PTPRM: variants seen among roughly 807,000 people sequenced by gnomAD.
The protein encoded by PTPRM is receptor-type tyrosine-protein phosphatase mu.
PTPRM carries 47 observed loss-of-function variants against 186.7 expected under a neutral mutation model. The ratio of observed to expected loss-of-function variants is 0.25; its 90% CI spans 0.20 to 0.32. The LOEUF (loss-of-function observed/expected upper bound fraction) is 0.32, where lower values mean the gene tolerates loss of function less well. Among genes scored for constraint, PTPRM ranks in the 10% least tolerant of loss-of-function variants. PTPRM has a pLI of 1.00. For missense variants in PTPRM, 1,494 were observed against 1,865.0 expected (o/e 0.80, Z 3.66); for synonymous variants, 668 against 674.9 (o/e 0.99, Z 0.16).
At chr18:8,198,162 G>T (rs560711942) in intron 14 of PTPRM, among the ~76,000 whole-genome samples, 48 of 152,230 alleles carry the variant, frequency 3.2e-4, no homozygotes, top group Non-Finnish European at 5.6e-4. Flanking sequence ...TTTCTTTGTT[G>T]TTAGACAGGA....
Position 7,567,671 on chromosome 18 carries a change from G to T in PTPRM, c.-148G>T. ...TGGAGCCGCTGGAGTTCGGACTTCT[G>T]CAACTGTTGGCACTTTGGGGGCTTG... On this transcript the variant is annotated 5_prime_UTR_variant, in exon 1 of 33. Transcript: ENST00000580170. This position sits in a 1 kb window ranked among gnomAD's most constrained non-coding sequence, Gnocchi z 4.3. The T allele has an allele frequency of 1.5e-6, 1 of 650,420 alleles. No individual in the cohort carries two copies. The highest frequency in any genetic ancestry group is 2.5e-5 in the South Asian group (1 of 40,192). 40.3% of individuals were successfully genotyped at this position (650,420 alleles called of 1,614,324 possible).
intron 7 of PTPRM, among the ~76,000 whole-genome samples, chr18:7,958,069 T>A (rs2053429303): frequency 6.6e-6 from 1 of 152,172 alleles, no homozygotes; most frequent in Non-Finnish European, 1.5e-5. Flanking sequence ...GAGTACTGGC[T>A]TGGAATTAGA....
chr18:7,613,463 A>T (rs1468026213), intron 1 of PTPRM, among the ~76,000 whole-genome samples: 2 of 152,310 alleles, frequency 1.3e-5, no homozygotes, highest in East Asian at 3.9e-4. Context: ...TCATGAGGTC[A>T]GGAGATCAAG....
intron 14 of PTPRM, among the ~76,000 whole-genome samples, chr18:8,192,922 G>A (rs905523419): frequency 4.6e-5 from 7 of 152,136 alleles, no homozygotes; most frequent in African/African-American, 1.7e-4. Context: ...ATTTAGCAAA[G>A]CCAGTAGTGA....
At chr18:7,632,301 G>T (rs1346298062) in intron 1 of PTPRM, among the ~76,000 whole-genome samples, 1 of 152,200 alleles carries the variant, frequency 6.6e-6, no homozygotes, top group Non-Finnish European at 1.5e-5. Flanking sequence ...GTAAAGAAAT[G>T]ATGTTATATG....
At chr18:8,166,097 C>T (rs946087578) in intron 14 of PTPRM, among the ~76,000 whole-genome samples, 12 of 152,156 alleles carry the variant, frequency 7.9e-5, no homozygotes, top group Admixed American at 7.2e-4. Flanking sequence ...GCAGACTAAG[C>T]ACATGATAAA....
At chr18:8,311,223 C>T (rs925342069) in intron 20 of PTPRM, among the ~76,000 whole-genome samples, 1 of 151,810 alleles carries the variant, frequency 6.6e-6, no homozygotes, top group Non-Finnish European at 1.5e-5. Context: ...GCAGGAGAAT[C>T]ACTTGAACCC....
chr18:7,622,488 A>C (rs1242062009), intron 1 of PTPRM, among the ~76,000 whole-genome samples: 1 of 152,130 alleles, frequency 6.6e-6, no homozygotes, highest in African/African-American at 2.4e-5. Context: ...TCCTTTCAAA[A>C]AGGCTATTAA....
chr18:8,271,348 A>G (rs2094769045), intron 19 of PTPRM, among the ~76,000 whole-genome samples: 1 of 151,810 alleles, frequency 6.6e-6, no homozygotes, highest in Admixed American at 6.6e-5. Context: ...ATTATATACC[A>G]AAAAGCCAAC....
intron 14 of PTPRM, among the ~76,000 whole-genome samples, chr18:8,146,892 T>C (rs1392650280): frequency 6.6e-6 from 1 of 152,150 alleles, no homozygotes; most frequent in East Asian, 1.9e-4. Flanking sequence ...TCCAACACCA[T>C]TTATTAAATA....
chr18:8,117,216 A>G lies in PTPRM; in HGVS notation c.2167+2389A>G, dbSNP rs926879964. Among the ~76,000 whole-genome samples the G allele has an allele frequency of 4.1e-4, 63 of 152,216 alleles. 1 individual carries two copies. The highest frequency in any genetic ancestry group is 1.6e-4 in the Non-Finnish European group (11 of 68,038). ...TCAAAACAGAGAAATAGGAAGATCTAATAACTGTTGATACCACAGAGTAAA... is the reference window on the plus strand; with the variant it reads ...TCAAAACAGAGAAATAGGAAGATCTGATAACTGTTGATACCACAGAGTAAA... On this transcript the variant is annotated intron_variant, in intron 13 of 32. Transcript: ENST00000580170.
chr18:8,014,213 C>T (rs191645813), intron 7 of PTPRM, among the ~76,000 whole-genome samples: 6 of 152,184 alleles, frequency 3.9e-5, no homozygotes, highest in Admixed American at 6.5e-5. Flanking sequence ...AAAAATTTAT[C>T]ACCAGGAATT....
At chr18:7,872,787 C>T (rs1028695553) in intron 2 of PTPRM, among the ~76,000 whole-genome samples, 1 of 152,154 alleles carries the variant, frequency 6.6e-6, no homozygotes, top group African/African-American at 2.4e-5. Context: ...ACCATTTTGG[C>T]ACTTAATAGA....
chr18:8,264,907 A>C (rs2147539878), intron 19 of PTPRM, among the ~76,000 whole-genome samples: 1 of 152,144 alleles, frequency 6.6e-6, no homozygotes, highest in Non-Finnish European at 1.5e-5. Context: ...AATTTAAGTA[A>C]CTCGCCCCAG....
At chr18:8,248,050 C>T (rs1490840549) in intron 16 of PTPRM, 100 bp from the exon 17 acceptor site, 1 of 1,377,964 alleles carries the variant, frequency 7.3e-7, no homozygotes, top group South Asian at 1.2e-5. Context: ...TGCGTTTCTA[C>T]AGCTTTCTAT....
At chr18:8,332,188 T>G (rs659893) in intron 22 of PTPRM, among the ~76,000 whole-genome samples, 104,064 of 152,104 alleles carry the variant, frequency 0.68, 35,819 homozygotes, top group Non-Finnish European at 0.72. Flanking sequence ...TCCTTTTTGT[T>G]TTTAAACATT....
intron 8 of PTPRM, among the ~76,000 whole-genome samples, chr18:8,076,046 G>A (rs1279763971): frequency 6.6e-6 from 1 of 152,038 alleles, no homozygotes. Context: ...ACCTGCACGT[G>A]GGACCATTGG....
intron 2 of PTPRM, among the ~76,000 whole-genome samples, chr18:7,886,452 G>A (rs535241858): frequency 1.2e-4 from 19 of 152,242 alleles, no homozygotes; most frequent in East Asian, 3.9e-4. Flanking sequence ...AGATAGGTTC[G>A]CTTGTGACTT....
chr18:7,677,384 T>C (rs956706916), intron 1 of PTPRM, among the ~76,000 whole-genome samples: 5 of 152,212 alleles, frequency 3.3e-5, no homozygotes, highest in Non-Finnish European at 7.3e-5. Flanking sequence ...TTTCAACAGA[T>C]ACAGCATAAC....
Sources: gnomAD v4.1 joint callset for allele counts (sites outside exome capture counted in the v4.1 genomes callset) on GRCh38, gnomAD v4.1.1 for gene constraint, Gnocchi (gnomAD v3.1) non-coding constraint, MANE v1.5 for transcripts, NCBI Gene and HGNC (gene_info 2026-07-23, HGNC 2026-07-21) for gene names.